UBR7: variants seen among roughly 807,000 people sequenced by gnomAD.
UBR7 encodes the protein ubiquitin protein ligase E3 component n-recognin 7, also known as putative E3 ubiquitin-protein ligase UBR7.
In UBR7, 22 loss-of-function variants were observed where a neutral mutation model predicts 57.0. That is an observed-to-expected ratio of 0.39 (90% CI 0.28 to 0.55). The LOEUF (loss-of-function observed/expected upper bound fraction) is 0.55. UBR7 is among the 20% of genes least tolerant of loss of function. The pLI is 0.69. For missense variants in UBR7, 395 were observed against 513.2 expected (o/e 0.77, Z 2.23); for synonymous variants, 167 against 179.8 (o/e 0.93, Z 0.57).
intron 9 of UBR7, 93 bp downstream of exon 9, chr14:93,220,504 A>G (rs1894683706): frequency 2.1e-6 from 3 of 1,451,944 alleles, no homozygotes; most frequent in African/African-American, 1.4e-5. Flanking sequence ...TTAATTTAAT[A>G]CAAAGAATTA....
chr14:93,222,375 G>T lies in UBR7; in HGVS notation c.1185+1G>T, dbSNP rs1322617029. On this transcript the variant is annotated splice_donor_variant, in intron 10 of 10. Transcript: ENST00000013070. LOFTEE classifies it high-confidence loss of function. ...CAAGAGATTTGCTGATGAAGGCACGGTATGTTGAGTTAAAGAATTCTAATC... is the reference window on the plus strand; with the variant it reads ...CAAGAGATTTGCTGATGAAGGCACGTTATGTTGAGTTAAAGAATTCTAATC... 6.3e-7 allele frequency: 1 copy of T among 1,595,300 alleles called. No homozygotes were observed. Among genetic ancestry groups the T allele is most frequent in the Middle Eastern group, 1.7e-4 (1 of 6,028 alleles).
chr14:93,208,900 T>TGGCTG (rs1894424921), intron 1 of UBR7, among the ~76,000 whole-genome samples: 1 of 152,082 alleles, frequency 6.6e-6, no homozygotes, highest in Non-Finnish European at 1.5e-5. Context: ...TGGGTTCAAG[T>TGGCTG]GATTCTCCTG....
At chr14:93,208,916 G>A (rs1003250334) in intron 1 of UBR7, among the ~76,000 whole-genome samples, 6 of 151,932 alleles carry the variant, frequency 3.9e-5, no homozygotes, top group Non-Finnish European at 8.8e-5. Flanking sequence ...TCCTGTCTTA[G>A]CCTCCCAAGT....
intron 10 of UBR7, chr14:93,223,878 G>A (rs940785655): frequency 1.4e-5 from 10 of 737,764 alleles, no homozygotes; most frequent in Non-Finnish European, 1.7e-5. Context: ...GCGCCGCTCC[G>A]GGAGTCATAG....
intron 10 of UBR7, among the ~76,000 whole-genome samples, chr14:93,224,863 G>T (rs770860563): frequency 6.6e-6 from 1 of 152,212 alleles, no homozygotes; most frequent in African/African-American, 2.4e-5. Context: ...TTCAAATAGT[G>T]TGCAGGCATG....
intron 3 of UBR7, among the ~76,000 whole-genome samples, chr14:93,211,556 A>T (rs1440837808): frequency 6.6e-6 from 1 of 151,896 alleles, no homozygotes; most frequent in African/African-American, 2.4e-5. Flanking sequence ...CAAAAAAAAA[A>T]GAAAAAGAAA....
In UBR7 at chr14:93,212,716, A is replaced by G. The variant is rs562039306; in HGVS notation, c.441+589A>G. ...CTCACTTCTGCAGCTGGCTTTTCTC[A>G]CCAGTATATCATAGACATTCTTTCA... is the stretch of plus-strand genomic sequence containing the variant. On this transcript the variant is annotated intron_variant, in intron 4 of 10. Transcript: ENST00000013070. Among the ~76,000 whole-genome samples, 9 of 152,318 alleles carry G rather than the reference A, an allele frequency of 5.9e-5. No homozygotes were observed. The East Asian group carries it at 1.5e-3, about 26-fold the overall frequency.
At chr14:93,212,251 T>A in intron 4 of UBR7, 124 bp downstream of exon 4, 1 of 690,808 alleles carries the variant, frequency 1.4e-6, no homozygotes, top group South Asian at 1.5e-5. Flanking sequence ...GGCTCTAGAT[T>A]TATCTTTTCT....
intron 10 of UBR7, chr14:93,223,827 C>T: frequency 5.3e-6 from 4 of 748,052 alleles, no homozygotes; most frequent in Non-Finnish European, 7.3e-6. Flanking sequence ...GTAACAGCGC[C>T]CGCGGTGGTC....
intron 9 of UBR7, among the ~76,000 whole-genome samples, chr14:93,220,873 A>C (rs775322038): frequency 6.6e-6 from 1 of 151,618 alleles, no homozygotes; most frequent in Admixed American, 6.6e-5. Flanking sequence ...AGTGGTTTCT[A>C]TCCCAGCCAT....
chr14:93,212,209 G>A (rs1244102295), intron 4 of UBR7, 82 bp downstream of exon 4: 1 of 1,062,924 alleles, frequency 9.4e-7, no homozygotes, highest in Non-Finnish European at 1.4e-6. Flanking sequence ...CGAGCCTCTG[G>A]CTCTTCAAGA....
In UBR7 at chr14:93,227,361, T is replaced by C. The variant is rs546707076; in HGVS notation, c.*326T>C. ...TGGTGTCTTGTTTAATGATCTGTTA[T>C]TTCACTCCCAGATGTGTGTGTTTTG... is the stretch of plus-strand genomic sequence containing the variant. On this transcript the variant is annotated 3_prime_UTR_variant, in exon 11 of 11. Transcript: ENST00000013070. The C allele has an allele frequency of 9.6e-5, 60 of 626,968 alleles. No individual in the cohort carries two copies. The highest frequency in any genetic ancestry group is 1.4e-4 in the Non-Finnish European group (46 of 339,050). The allele number at this position is 626,968 out of a possible 1,614,324, so 38.8% of individuals were successfully genotyped here.
At chr14:93,219,509 G>A (rs1894661732) in intron 8 of UBR7, 148 bp downstream of exon 8, 4 of 1,123,954 alleles carry the variant, frequency 3.6e-6, no homozygotes, top group Non-Finnish European at 5.0e-6. Flanking sequence ...TGAAATTAAT[G>A]TTTAGGAGAC....
Position 93,228,537 on chromosome 14 carries a change from A to G in UBR7, c.*1502A>G. On this transcript the variant is annotated 3_prime_UTR_variant, in exon 11 of 11. Transcript: ENST00000013070. ...AAAGCCTCAAAGAAATGGCACAACC[A>G]TGTTCTTCGGCACTCAGGCTCCTAA... 1 of 454,082 alleles carries G rather than the reference A, an allele frequency of 2.2e-6. No individual in the cohort carries two copies. Among genetic ancestry groups the G allele is most frequent in the Non-Finnish European group, 4.4e-6 (1 of 226,786 alleles). The allele number at this position is 454,082 out of a possible 1,614,324, so 28.1% of individuals were successfully genotyped here. A position where few individuals can be genotyped will look rare whatever the true frequency, so the allele number is the denominator to read the frequency against.
At chr14:93,214,489 A>G (rs961761368) in intron 4 of UBR7, among the ~76,000 whole-genome samples, 2 of 152,238 alleles carry the variant, frequency 1.3e-5, no homozygotes, top group African/African-American at 2.4e-5. Context: ...GAGGTTTTTC[A>G]TAACATTTAC....
rs1286981211 is a variant in UBR7, at chr14:93,224,023, G to C, written c.1185+1649G>C. On this transcript the variant is annotated intron_variant, in intron 10 of 10. Coordinates refer to ENST00000013070, the MANE Select transcript of UBR7 (RefSeq NM_175748.4). Reference sequence around the variant, plus strand: ...AGTACCAGAAGTCCCGGGACTTGGCGACAACGTGATTAGGCGCAAAGATTC... The same window carrying C: ...AGTACCAGAAGTCCCGGGACTTGGCCACAACGTGATTAGGCGCAAAGATTC... The C allele has an allele frequency of 9.1e-6, 8 of 875,626 alleles. No homozygotes were observed. The East Asian group carries it at 2.0e-4, about 22-fold the overall frequency. The allele number at this position is 875,626 out of a possible 1,614,324, so 54.2% of individuals were successfully genotyped here. A position where few individuals can be genotyped will look rare whatever the true frequency, so the allele number is the denominator to read the frequency against.
At chr14:93,219,709 C>T (rs1894665452) in intron 8 of UBR7, among the ~76,000 whole-genome samples, 1 of 152,244 alleles carries the variant, frequency 6.6e-6, no homozygotes, top group Non-Finnish European at 1.5e-5. Context: ...TGCTTTGGCT[C>T]ACGCCTGTAA....
chr14:93,225,364 T>C (rs970614679), intron 10 of UBR7, among the ~76,000 whole-genome samples: 1 of 150,906 alleles, frequency 6.6e-6, no homozygotes, highest in African/African-American at 2.4e-5. Context: ...CAGTGTCTCA[T>C]GCCTGGAATC....
At chr14:93,223,648 G>A (rs971919451) in intron 10 of UBR7, 22 of 1,387,052 alleles carry the variant, frequency 1.6e-5, no homozygotes, top group African/African-American at 2.9e-5. Context: ...TTGGGCTGAC[G>A]GGCAGGACCC....
Sources: allele counts gnomAD v4.1 joint callset (sites outside exome capture counted in the v4.1 genomes callset), GRCh38; gene constraint gnomAD v4.1.1; transcripts MANE v1.5; gene names NCBI Gene and HGNC (gene_info 2026-07-23, HGNC 2026-07-21).